The following CHRDL1 variants were observed in gnomAD, a reference collection of about 807,000 sequenced individuals.
CHRDL1 encodes the protein chordin-like protein 1.
CHRDL1 carries 19 observed loss-of-function variants against 40.9 expected under a neutral mutation model. The observed-to-expected ratio is 0.46, with a 90% CI of 0.32 to 0.68. The LOEUF (loss-of-function observed/expected upper bound fraction) is 0.68. CHRDL1 is among the 30% of genes least tolerant of loss of function. The probability of loss-of-function intolerance (pLI) is 0.03; values close to 1 mark genes in which losing one functional copy is unlikely to be tolerated. For synonymous variants in CHRDL1, 136 were observed against 123.4 expected (o/e 1.10, Z -0.68); for missense variants, 329 against 352.1 (o/e 0.93, Z 0.53).
At chrX:110,717,331 G>A (rs192849362) in intron 6 of CHRDL1, among the ~76,000 whole-genome samples, 46 of 112,101 alleles carry the variant, frequency 4.1e-4, no homozygotes, top group African/African-American at 1.4e-3. Flanking sequence ...AAGGTAAAAA[G>A]GTAAGAGAGC....
chrX:110,765,453 T>C (rs1206511397), intron 2 of CHRDL1, among the ~76,000 whole-genome samples: 1 of 112,287 alleles, frequency 8.9e-6, no homozygotes, highest in Non-Finnish European at 1.9e-5. Flanking sequence ...TTTAAGTCCT[T>C]AATCCATCTT....
intron 4 of CHRDL1, among the ~76,000 whole-genome samples, chrX:110,723,624 A>G (rs1230445337): frequency 9.0e-6 from 1 of 111,623 alleles, no homozygotes; most frequent in Admixed American, 9.5e-5. Context: ...AAAAAGTGCC[A>G]ATCACTTCAA....
At position 110,795,784 on chromosome X, in the gene CHRDL1, TCCGAG is replaced by T. The variant is rs1459854566; in HGVS notation, c.-80_-76del. On this transcript the variant is annotated 5_prime_UTR_variant, in exon 1 of 12. Transcript: ENST00000372042. ...CTCCGTCTGCCACGCGTGCACGCGC[TCCGAG>T]CTCCCCGGGGCGCTCTCGTCCGAGG... 1.8e-5 allele frequency: 2 copies of T among 112,541 alleles called. No homozygotes were observed. Among genetic ancestry groups the T allele is most frequent in the Non-Finnish European group, 3.8e-5 (2 of 53,182 alleles). 9.3% of individuals were successfully genotyped at this position (112,541 alleles called of 1,213,427 possible).
intron 2 of CHRDL1, among the ~76,000 whole-genome samples, chrX:110,766,238 C>T (rs999474413): frequency 3.6e-5 from 4 of 110,860 alleles, no homozygotes; most frequent in East Asian, 2.8e-4. Context: ...ACACCTACAT[C>T]GAAAAGTCTG....
chrX:110,715,425 A>G (rs1241296546), intron 6 of CHRDL1, among the ~76,000 whole-genome samples: 1 of 111,630 alleles, frequency 9.0e-6, no homozygotes, highest in Non-Finnish European at 1.9e-5. Flanking sequence ...TTATAAACCA[A>G]TAACTCTGTA....
intron 2 of CHRDL1, 111 bp downstream of exon 2, chrX:110,791,977 T>C (rs2090109728): frequency 2.1e-6 from 1 of 469,906 alleles, no homozygotes; most frequent in Non-Finnish European, 3.6e-6. Context: ...TTTCTTCTCT[T>C]AGAATAATGG....
intron 2 of CHRDL1, among the ~76,000 whole-genome samples, chrX:110,790,474 T>G (rs2090081406): frequency 9.0e-6 from 1 of 111,617 alleles, no homozygotes; most frequent in African/African-American, 3.3e-5. Flanking sequence ...AGGCTTTCCA[T>G]AAGAGATGGT....
chrX:110,705,281 CTATA>C lies in CHRDL1; in HGVS notation c.542-4564_542-4561del, dbSNP rs10551964. On this transcript the variant is annotated intron_variant, in intron 6 of 11. Coordinates refer to ENST00000372042, the MANE Select transcript of CHRDL1 (RefSeq NM_001143981.2). Reference sequence around the variant, plus strand: ...GCACTTCATTAAAAAGTAATGGAGACTATATATATATATATATATATATACACAC... The same window carrying C: ...GCACTTCATTAAAAAGTAATGGAGACTATATATATATATATATATACACAC... 4.2e-3 allele frequency among the ~76,000 whole-genome samples: 322 copies of C among 76,770 alleles called. 3 individuals are homozygous for C. The highest frequency in any genetic ancestry group is 0.013 in the African/African-American group (237 of 18,102). 66.7% of individuals were successfully genotyped at this position (76,770 alleles called of 115,157 possible). A position where few individuals can be genotyped will look rare whatever the true frequency, so the allele number is the denominator to read the frequency against.
intron 4 of CHRDL1, among the ~76,000 whole-genome samples, chrX:110,740,363 G>A (rs2071338734): frequency 8.9e-6 from 1 of 112,258 alleles, no homozygotes; most frequent in Non-Finnish European, 1.9e-5. Context: ...TCTGGCCAAT[G>A]CCAGATGAGC....
intron 4 of CHRDL1, among the ~76,000 whole-genome samples, chrX:110,724,124 A>G (rs774069158): frequency 2.7e-5 from 3 of 112,587 alleles, no homozygotes; most frequent in Non-Finnish European, 5.6e-5. Flanking sequence ...GGAAATCTAC[A>G]GTGACCTACA....
chrX:110,730,117 A>G (rs184921105), intron 4 of CHRDL1, among the ~76,000 whole-genome samples: 70 of 112,228 alleles, frequency 6.2e-4, no homozygotes, highest in African/African-American at 2.2e-3. Context: ...ACTCCAAAGT[A>G]GCAGTGACAT....
chrX:110,676,812 G>A (rs1232138364), intron 11 of CHRDL1, among the ~76,000 whole-genome samples: 1 of 110,636 alleles, frequency 9.0e-6, no homozygotes, highest in African/African-American at 3.3e-5. Flanking sequence ...TATTGGTTTG[G>A]GTTACTTGAT....
At chrX:110,709,849 AC>A (rs1252773716) in intron 6 of CHRDL1, among the ~76,000 whole-genome samples, 2 of 111,585 alleles carry the variant, frequency 1.8e-5, no homozygotes, top group Non-Finnish European at 3.8e-5. Context: ...TACTAAAAAT[AC>A]AAAAGTTAGC....
At chrX:110,746,738 G>T (rs749126989) in intron 4 of CHRDL1, among the ~76,000 whole-genome samples, 1 of 111,457 alleles carries the variant, frequency 9.0e-6, no homozygotes, top group Admixed American at 9.5e-5. Context: ...GTACCAAAAT[G>T]CTATGGTTTC....
intron 2 of CHRDL1, among the ~76,000 whole-genome samples, chrX:110,763,480 A>G (rs549186602): frequency 9.2e-6 from 1 of 108,999 alleles, no homozygotes; most frequent in African/African-American, 3.3e-5. Context: ...GCTGAGTAGT[A>G]TTCATATATA....
At chrX:110,763,538 C>CAT (rs750708016) in intron 2 of CHRDL1, among the ~76,000 whole-genome samples, 7,008 of 98,124 alleles carry the variant, frequency 0.071, 251 homozygotes, top group East Asian at 0.18. Flanking sequence ...TCAATAGAAA[C>CAT]ATATATATAT....
At chrX:110,784,713 T>A (rs1203221921) in intron 2 of CHRDL1, among the ~76,000 whole-genome samples, 1 of 111,816 alleles carries the variant, frequency 8.9e-6, no homozygotes, top group African/African-American at 3.3e-5. Flanking sequence ...GTTATTTTAC[T>A]TTCCTATTAG....
intron 4 of CHRDL1, among the ~76,000 whole-genome samples, 200 bp downstream of exon 4, chrX:110,759,461 T>C (rs761475921): frequency 7.7e-4 from 86 of 112,375 alleles, no homozygotes; most frequent in Non-Finnish European, 1.5e-3. Flanking sequence ...TGTTACTGGG[T>C]ACCCAATAAC....
chrX:110,792,934 T>G (rs994771512), intron 1 of CHRDL1, among the ~76,000 whole-genome samples: 3 of 112,318 alleles, frequency 2.7e-5, no homozygotes, highest in Non-Finnish European at 5.6e-5. Context: ...TGCACCACCA[T>G]GCAAAAGACC....
Sources: gnomAD v4.1 joint callset for allele counts (sites outside exome capture counted in the v4.1 genomes callset) on GRCh38, gnomAD v4.1.1 for gene constraint, MANE v1.5 for transcripts, NCBI Gene and HGNC (gene_info 2026-07-23, HGNC 2026-07-21) for gene names.